The following CBFA2T3 variants were observed in gnomAD, a reference collection of about 807,000 sequenced individuals.
The protein encoded by CBFA2T3 is transcriptional corepressor CBFA2T3.
Under a neutral mutation model 58.6 loss-of-function variants are expected in CBFA2T3, and 31 were observed. The ratio of observed to expected loss-of-function variants is 0.53; its 90% confidence interval spans 0.40 to 0.71. The LOEUF (loss-of-function observed/expected upper bound fraction) is 0.71. CBFA2T3 is among the 30% of genes least tolerant of loss of function. The pLI is 0.00. For missense variants in CBFA2T3, 1,076 were observed against 963.1 expected, an observed-to-expected ratio of 1.12 and a Z score of -1.55; for synonymous variants, 531 against 421.9, an observed-to-expected ratio of 1.26 and a Z score of -3.17.
In CBFA2T3 at chr16:88,953,695, G is replaced by A. The variant is rs111256317; in HGVS notation, c.151+22962C>T. Among the ~76,000 whole-genome samples the A allele has an allele frequency of 1.9e-3, 285 of 152,216 alleles. 1 individual carries two copies. The highest frequency in any genetic ancestry group is 6.4e-3 in the African/African-American group (267 of 41,532). ...TGCCAAAGCGCCTTTTGCTGTATTC[G>A]GCACCCTGAGACCCTTATGTCTGCC... On this transcript the variant is annotated intron_variant, in intron 1 of 11. Transcript: ENST00000268679. The surrounding 1 kb of genome is among the most constrained non-coding windows in gnomAD (Gnocchi z 4.9).
chr16:88,887,850 G>C (rs867190761), intron 5 of CBFA2T3, among the ~76,000 whole-genome samples: 2 of 152,158 alleles, frequency 1.3e-5, no homozygotes, highest in South Asian at 4.1e-4. Flanking sequence ...ACAGATGGGC[G>C]CTCAGGCTGG....
chr16:88,904,540 T>C (rs1197844367), intron 1 of CBFA2T3, among the ~76,000 whole-genome samples: 1 of 152,204 alleles, frequency 6.6e-6, no homozygotes, highest in African/African-American at 2.4e-5. Context: ...CTCAAGGTAC[T>C]TGCAAAGAGG....
intron 1 of CBFA2T3, among the ~76,000 whole-genome samples, chr16:88,914,803 G>A (rs552708695): frequency 2.5e-4 from 38 of 152,316 alleles, no homozygotes; most frequent in Non-Finnish European, 4.3e-4. Flanking sequence ...AATCTTCCCT[G>A]CTCCCCAAAG....
At chr16:88,900,022 T>C (rs1198109757) in intron 2 of CBFA2T3, among the ~76,000 whole-genome samples, 1 of 152,130 alleles carries the variant, frequency 6.6e-6, no homozygotes, top group African/African-American at 2.4e-5. Context: ...GACAAGGACA[T>C]GTGAGAAAAA....
intron 1 of CBFA2T3, among the ~76,000 whole-genome samples, chr16:88,946,813 T>A (rs921953422): frequency 6.6e-6 from 1 of 151,132 alleles, no homozygotes; most frequent in African/African-American, 2.4e-5. Flanking sequence ...TTAGACAGGG[T>A]CTCACTCTGT....
chr16:88,931,929 T>C (rs1196047414), intron 1 of CBFA2T3, among the ~76,000 whole-genome samples: 1 of 152,104 alleles, frequency 6.6e-6, no homozygotes, highest in Admixed American at 6.5e-5. Context: ...TGGAACATTC[T>C]CTGAGGCTGG....
chr16:88,889,120 T>C (rs1234532765), intron 5 of CBFA2T3, among the ~76,000 whole-genome samples: 1 of 149,968 alleles, frequency 6.7e-6, no homozygotes, highest in Non-Finnish European at 1.5e-5. Context: ...CCCCAAAGAC[T>C]GGGAGGGGTG....
rs566622556 is a variant in CBFA2T3, at chr16:88,878,303, C to T, written c.1662+967G>A. 4.6e-5 allele frequency among the ~76,000 whole-genome samples: 7 copies of T among 152,338 alleles called. No individual in the cohort carries two copies. The East Asian group carries it at 5.8e-4, about 13-fold the overall frequency. ...TAGCTTCTCCCTAGCTGAGAGCAGG[C>T]GTGGAAATGGCCGGTGCAGAGACCC... is the stretch of plus-strand genomic sequence containing the variant. On this transcript the variant is annotated intron_variant, in intron 11 of 11. Coordinates refer to ENST00000268679, the MANE Select transcript of CBFA2T3 (RefSeq NM_005187.6).
intron 1 of CBFA2T3, among the ~76,000 whole-genome samples, chr16:88,960,717 C>T (rs929990568): frequency 6.6e-6 from 1 of 152,174 alleles, no homozygotes; most frequent in African/African-American, 2.4e-5. Flanking sequence ...CAGACAGTGT[C>T]GTTGTGGCAC....
intron 1 of CBFA2T3, among the ~76,000 whole-genome samples, chr16:88,949,695 G>A (rs573886881): frequency 1.3e-5 from 2 of 152,148 alleles, no homozygotes; most frequent in African/African-American, 4.8e-5. Flanking sequence ...CAAACTTCAT[G>A]AGTAGGCAAA....
intron 1 of CBFA2T3, among the ~76,000 whole-genome samples, chr16:88,966,234 A>G (rs1252816281): frequency 6.6e-6 from 1 of 152,170 alleles, no homozygotes; most frequent in Non-Finnish European, 1.5e-5. Context: ...CCTGAAACAC[A>G]TCTTGGCCAC....
At chr16:88,914,332 G>C (rs1176861724) in intron 1 of CBFA2T3, among the ~76,000 whole-genome samples, 13 of 152,236 alleles carry the variant, frequency 8.5e-5, no homozygotes, top group Admixed American at 8.5e-4. Context: ...ACGTTTGTCA[G>C]GCCCATAGCC....
rs566275888 is a variant in CBFA2T3 at position 88,953,099 on chromosome 16, C to T, written c.151+23558G>A. On this transcript the variant is annotated intron_variant, in intron 1 of 11. Transcript: ENST00000268679. This position sits in a 1 kb window ranked among gnomAD's most constrained non-coding sequence, Gnocchi z 4.9. ...AAAACACAACCTGGTCTCCGTCTGC[C>T]GGTTAGATCGGCCCCCAGTCCTGCT... Among the ~76,000 whole-genome samples the T allele has an allele frequency of 6.6e-5, 10 of 152,314 alleles. No homozygotes were observed. The East Asian group carries it at 7.7e-4, about 12-fold the overall frequency.
intron 7 of CBFA2T3, among the ~76,000 whole-genome samples, chr16:88,884,452 C>T (rs1242335240): frequency 6.6e-6 from 1 of 152,202 alleles, no homozygotes; most frequent in Non-Finnish European, 1.5e-5. Context: ...ATTATGTGTG[C>T]TCTCAGGCCT....
chr16:88,922,752 C>T (rs991292179), intron 1 of CBFA2T3, among the ~76,000 whole-genome samples: 1 of 152,248 alleles, frequency 6.6e-6, no homozygotes. Context: ...AATCCCATCC[C>T]GACCTCGGAG....
At chr16:88,922,208 C>G (rs1180517117) in intron 1 of CBFA2T3, among the ~76,000 whole-genome samples, 1 of 152,154 alleles carries the variant, frequency 6.6e-6, no homozygotes, top group Non-Finnish European at 1.5e-5. Flanking sequence ...CCCCATGCCT[C>G]CCTGGAAAAC....
At chr16:88,941,854 G>C (rs1418013641) in intron 1 of CBFA2T3, 14 of 133,950 alleles carry the variant, frequency 1.0e-4, no homozygotes, top group Non-Finnish European at 1.4e-4. Context: ...CGGGAGTTGG[G>C]GGGTGTGGGG....
At chr16:88,959,141 T>C (rs1972301836) in intron 1 of CBFA2T3, among the ~76,000 whole-genome samples, 1 of 152,082 alleles carries the variant, frequency 6.6e-6, no homozygotes, top group African/African-American at 2.4e-5. Flanking sequence ...CGCTGAATCG[T>C]GTGCCCCCGT....
At position 88,874,957 on chromosome 16, in the gene CBFA2T3, C is replaced by T. The variant is rs1231878668; in HGVS notation, c.*2019G>A. The T allele has an allele frequency of 3.4e-5, 8 of 233,314 alleles. No individual in the cohort carries two copies. The highest frequency in any genetic ancestry group is 6.6e-5 in the African/African-American group (3 of 45,330). 14.5% of individuals were successfully genotyped at this position (233,314 alleles called of 1,614,324 possible). The stretch of plus-strand genomic sequence containing the variant: ...CTATATACATTCACATTAACGTACA[C>T]GCTCAGCTTCAGGCCTCTGGCGGGC... On this transcript the variant is annotated 3_prime_UTR_variant, in exon 12 of 12. Transcript: ENST00000268679.
Sources: allele counts gnomAD v4.1 joint callset (sites outside exome capture counted in the v4.1 genomes callset), GRCh38; gene constraint gnomAD v4.1.1; non-coding constraint Gnocchi (gnomAD v3.1); transcripts MANE v1.5; gene names NCBI Gene and HGNC (gene_info 2026-07-23, HGNC 2026-07-21).